NPSR1: variants seen among roughly 807,000 people sequenced by gnomAD.
NPSR1 encodes the protein neuropeptide S receptor.
A neutral mutation model predicts 46.9 loss-of-function variants in NPSR1; 48 were observed. The observed-to-expected ratio is 1.02, with a 90% confidence interval of 0.81 to 1.30. NPSR1 has a LOEUF of 1.30. Ranked by LOEUF, NPSR1 falls within the 50% of genes most tolerant of loss-of-function variation. The pLI, the probability that NPSR1 is intolerant of heterozygous loss-of-function variation, is 0.00. For synonymous variants in NPSR1, 176 were observed against 168.1 expected, an observed-to-expected ratio of 1.05 and a Z score of -0.36; for missense variants, 450 against 449.5, an observed-to-expected ratio of 1.00 and a Z score of -0.01.
At chr7:34,666,611 CT>C (rs1791764204) in intron 1 of NPSR1, among the ~76,000 whole-genome samples, 1 of 152,034 alleles carries the variant, frequency 6.6e-6, no homozygotes, top group African/African-American at 2.4e-5. Flanking sequence ...CTTCAGATTT[CT>C]TATTATATGA....
chr7:34,807,283 C>T (rs894665203), intron 3 of NPSR1, among the ~76,000 whole-genome samples: 1 of 151,756 alleles, frequency 6.6e-6, no homozygotes, highest in Non-Finnish European at 1.5e-5. Context: ...TAGTATATCG[C>T]CAATTTTTGA....
intron 3 of NPSR1, among the ~76,000 whole-genome samples, chr7:34,783,484 G>C (rs1787323494): frequency 6.6e-6 from 1 of 151,902 alleles, no homozygotes; most frequent in African/African-American, 2.4e-5. Flanking sequence ...AGGGATTATG[G>C]CAACTAAAAT....
chr7:34,750,631 C>T, intron 2 of NPSR1: 1 of 686,966 alleles, frequency 1.5e-6, no homozygotes, highest in East Asian at 2.8e-5. Flanking sequence ...TGCCCTCAGG[C>T]TTGGCCCCAT....
intron 2 of NPSR1, among the ~76,000 whole-genome samples, chr7:34,684,971 C>T (rs1259948109): frequency 6.6e-6 from 1 of 152,146 alleles, no homozygotes; most frequent in Non-Finnish European, 1.5e-5. Context: ...TACACAGTAG[C>T]CTCCATAGTT....
chr7:34,699,334 TA>T (rs1793702507), intron 2 of NPSR1, among the ~76,000 whole-genome samples: 1 of 152,202 alleles, frequency 6.6e-6, no homozygotes, highest in Non-Finnish European at 1.5e-5. Context: ...TTTTTTAAAT[TA>T]AAAGTTAAAA....
At chr7:34,847,354 T>G (rs1790771703) in intron 7 of NPSR1, among the ~76,000 whole-genome samples, 1 of 151,976 alleles carries the variant, frequency 6.6e-6, no homozygotes, top group Admixed American at 6.6e-5. Context: ...CCAGTCAACT[T>G]AGGAGTGTTT....
chr7:34,848,565 C>A lies in NPSR1; in HGVS notation c.927C>A (p.Phe309Leu). ...FNLLPDTQER[F>L]YASVIIQNLP... ...TCCTTCCAGACACCCAGGAGCGTTT[C>A]TATGCCTCTGTGATCATTCAGAACC... Residue 309 changes from phenylalanine (F) to leucine (L), a missense_variant, in exon 8 of 9, where the codon TTC (phenylalanine) becomes TTA (leucine). By Grantham distance (22) the Phe-to-Leu change is conservative. Transcript: ENST00000360581. 8 of 1,614,204 alleles carry A rather than the reference C, an allele frequency of 5.0e-6. No individual in the cohort carries two copies. Among genetic ancestry groups the A allele is most frequent in the Non-Finnish European group, 5.9e-6 (7 of 1,180,032 alleles).
intron 6 of NPSR1, among the ~76,000 whole-genome samples, chr7:34,834,756 A>G (rs1790290846): frequency 6.6e-6 from 1 of 152,216 alleles, no homozygotes; most frequent in African/African-American, 2.4e-5. Flanking sequence ...GATCTAGCAA[A>G]GAAGCACCTT....
chr7:34,785,258 A>G (rs184420953), intron 3 of NPSR1, among the ~76,000 whole-genome samples: 205 of 151,896 alleles, frequency 1.3e-3, no homozygotes, highest in Non-Finnish European at 1.9e-3. Context: ...GGAAATCATC[A>G]TTCTCAGTAA....
At chr7:34,860,876 A>G (rs1005255083) in intron 8 of NPSR1, among the ~76,000 whole-genome samples, 25 of 151,850 alleles carry the variant, frequency 1.6e-4, no homozygotes, top group Admixed American at 2.0e-4. Flanking sequence ...GTTTTGGACC[A>G]TGCTTTGGAG....
intron 1 of NPSR1, among the ~76,000 whole-genome samples, chr7:34,675,083 C>CA (rs895050202): frequency 1.3e-5 from 2 of 152,298 alleles, no homozygotes; most frequent in African/African-American, 4.8e-5. Context: ...GCCAGTAACC[C>CA]AGGTAAGTAA....
chr7:34,751,708 GT>G (rs1206939059), intron 2 of NPSR1: 2 of 1,585,054 alleles, frequency 1.3e-6, no homozygotes, highest in Non-Finnish European at 1.7e-6. Context: ...GGGGAGCATT[GT>G]GGGAGACTCC....
At chr7:34,781,269 T>C (rs1456897072) in intron 3 of NPSR1, among the ~76,000 whole-genome samples, 1 of 152,108 alleles carries the variant, frequency 6.6e-6, no homozygotes, top group Admixed American at 6.6e-5. Context: ...TGTAAGAAAA[T>C]CTCTGTTTAG....
chr7:34,682,999 A>C (rs899251939), intron 1 of NPSR1, among the ~76,000 whole-genome samples: 1 of 152,072 alleles, frequency 6.6e-6, no homozygotes, highest in African/African-American at 2.4e-5. Flanking sequence ...CTCCCCCCAC[A>C]TCACCACAAT....
At chr7:34,874,885 TC>T (rs1416913449) in intron 8 of NPSR1, among the ~76,000 whole-genome samples, 1 of 152,180 alleles carries the variant, frequency 6.6e-6, no homozygotes, top group East Asian at 1.9e-4. Context: ...CCATTGGCTC[TC>T]CCTTTTCCTC....
chr7:34,820,585 C>A (rs1451218570), intron 4 of NPSR1, among the ~76,000 whole-genome samples: 1 of 151,970 alleles, frequency 6.6e-6, no homozygotes. Context: ...TGGACAAAGC[C>A]CTCAGGAGGT....
rs1408102232 is a variant in NPSR1, at chr7:34,860,100, G to C, written c.1025+11437G>C. 3.3e-5 allele frequency among the ~76,000 whole-genome samples: 5 copies of C among 151,672 alleles called. 1 individual carries two copies. The highest frequency in any genetic ancestry group is 1.2e-4 in the African/African-American group (5 of 41,006). On this transcript the variant is annotated intron_variant, in intron 8 of 8. Coordinates refer to the NPSR1 transcript ENST00000359791. ...AATGCATTTTTTTCACATAAAGATG[G>C]ACTTTAATCTAATGTAGTTATGCAT... is the stretch of plus-strand genomic sequence containing the variant.
intron 6 of NPSR1, 84 bp downstream of exon 6, chr7:34,834,544 C>T: frequency 1.1e-6 from 1 of 930,316 alleles, no homozygotes; most frequent in East Asian, 2.4e-5. Flanking sequence ...GCTAGGGACT[C>T]CTTGATACAC....
chr7:34,665,898 T>C (rs562477225), intron 1 of NPSR1, among the ~76,000 whole-genome samples: 14 of 152,164 alleles, frequency 9.2e-5, no homozygotes, highest in South Asian at 4.2e-4. Flanking sequence ...AGACTAGATG[T>C]CAGTTATTTA....
Sources: gnomAD v4.1 joint callset for allele counts (sites outside exome capture counted in the v4.1 genomes callset) on GRCh38, gnomAD v4.1.1 for gene constraint, MANE v1.5 for transcripts, NCBI Gene and HGNC (gene_info 2026-07-23, HGNC 2026-07-21) for gene names.